Variants in GRK3 observed in about 807,000 individuals in gnomAD.
GRK3 encodes adrenergic, beta, receptor kinase 2.
A neutral mutation model predicts 95.7 loss-of-function variants in GRK3; 54 were observed. The ratio of observed to expected loss-of-function variants is 0.56; its 90% CI spans 0.45 to 0.71. The LOEUF (loss-of-function observed/expected upper bound fraction) is 0.71, where lower values mean the gene tolerates loss of function less well. GRK3 is among the 30% of genes least tolerant of loss of function. The probability of loss-of-function intolerance (pLI) is 0.00; values close to 1 mark genes in which losing one functional copy is unlikely to be tolerated. For synonymous variants in GRK3, 281 were observed against 290.8 expected (o/e 0.97, Z 0.34); for missense variants, 649 against 851.2 (o/e 0.76, Z 2.96).
intron 18 of GRK3, among the ~76,000 whole-genome samples, chr22:25,717,457 A>G (rs1267364905): frequency 1.3e-5 from 2 of 152,190 alleles, no homozygotes; most frequent in East Asian, 3.9e-4. Context: ...TATGGTCTGA[A>G]ACACTCACTA....
rs2146481629 is a variant in GRK3, at chr22:25,724,750, G to A, written c.*2300G>A. ...TCTGCCAAAATGTTGTGATGGAGGT[G>A]TTTCTGCGACCAGACACAGGATACC... On this transcript the variant is annotated 3_prime_UTR_variant, in exon 21 of 21. Transcript: ENST00000324198. 6.6e-6 allele frequency: 1 copy of A among 152,316 alleles called. No homozygotes were observed. The highest frequency in any genetic ancestry group is 3.4e-3 in the Middle Eastern group (1 of 294). 9.4% of individuals were successfully genotyped at this position (152,316 alleles called of 1,614,324 possible). A position where few individuals can be genotyped will look rare whatever the true frequency, so the allele number is the denominator to read the frequency against.
chr22:25,721,896 T>A (rs945178234), intron 20 of GRK3, among the ~76,000 whole-genome samples: 1 of 152,178 alleles, frequency 6.6e-6, no homozygotes, highest in Non-Finnish European at 1.5e-5. Flanking sequence ...TGCAAAAAAA[T>A]CATTTTTACT....
chr22:25,721,136 C>A, intron 19 of GRK3, 148 bp from the exon 20 acceptor site: 1 of 467,394 alleles, frequency 2.1e-6, no homozygotes, highest in Non-Finnish European at 3.8e-6. Flanking sequence ...CCTTTATAGC[C>A]ATTTTCCCCT....
chr22:25,591,755 T>G (rs766477072), intron 1 of GRK3, among the ~76,000 whole-genome samples: 39 of 151,994 alleles, frequency 2.6e-4, no homozygotes, highest in Non-Finnish European at 5.0e-4. Flanking sequence ...TGTACTTTTT[T>G]GGGGGGTCTG....
chr22:25,694,768 C>T (rs953821834), intron 12 of GRK3, among the ~76,000 whole-genome samples: 3 of 152,192 alleles, frequency 2.0e-5, no homozygotes, highest in Non-Finnish European at 4.4e-5. Context: ...TTCCCTGCCT[C>T]CCCTGACCCC....
At chr22:25,619,947 C>T (rs1309249189) in intron 2 of GRK3, among the ~76,000 whole-genome samples, 1 of 150,606 alleles carries the variant, frequency 6.6e-6, no homozygotes, top group Non-Finnish European at 1.5e-5. Context: ...CTTCTCTCTT[C>T]CTTTACTCTC....
Position 25,724,274 on chromosome 22 carries a change from T to C in GRK3, c.*1824T>C, listed in dbSNP as rs1361137341. 1 of 152,204 alleles carries C rather than the reference T, an allele frequency of 6.6e-6. No homozygotes were observed. Among genetic ancestry groups the C allele is most frequent in the Non-Finnish European group, 1.5e-5 (1 of 68,044 alleles). The allele number at this position is 152,204 out of a possible 1,614,324, so 9.4% of individuals were successfully genotyped here. ...GCTCATAGGTTCTCAGCATGTGCAG[T>C]TGAGGATGCGCTGGGCCTCATGCCT... On this transcript the variant is annotated 3_prime_UTR_variant, in exon 21 of 21. Coordinates refer to ENST00000324198, the MANE Select transcript of GRK3 (RefSeq NM_005160.4).
chr22:25,612,807 A>G (rs1288367276), intron 2 of GRK3, among the ~76,000 whole-genome samples: 2 of 152,164 alleles, frequency 1.3e-5, no homozygotes, highest in East Asian at 1.9e-4. Flanking sequence ...TTCATTATAA[A>G]AAGAATACAT....
chr22:25,605,833 T>C (rs1345149778), intron 2 of GRK3, among the ~76,000 whole-genome samples: 1 of 152,262 alleles, frequency 6.6e-6, no homozygotes, highest in African/African-American at 2.4e-5. Flanking sequence ...ACACACTGTG[T>C]GTCCTTTTGC....
In GRK3 at chr22:25,667,928, T is replaced by C. The variant is rs1045299633; in HGVS notation, c.503+128T>C. On this transcript the variant is annotated intron_variant, in intron 6 of 20. Coordinates refer to ENST00000324198, the MANE Select transcript of GRK3 (RefSeq NM_005160.4). ...AAGTATTCACTGACCATGTACGATG[T>C]GCCAGGCTTTGTGTTAAACTGTTTC... 3.5e-5 allele frequency: 21 copies of C among 597,146 alleles called. No individual in the cohort carries two copies. The South Asian group carries it at 4.5e-4, about 13-fold the overall frequency. 37.0% of individuals were successfully genotyped at this position (597,146 alleles called of 1,614,324 possible).
chr22:25,600,931 T>G (rs1436370505), intron 1 of GRK3, among the ~76,000 whole-genome samples: 1 of 152,200 alleles, frequency 6.6e-6, no homozygotes, highest in Non-Finnish European at 1.5e-5. Context: ...AAGGTGTATT[T>G]CATAATGATC....
In GRK3 at chr22:25,648,939, T is replaced by C; in HGVS notation, c.264+4274T>C. 12 of 891,032 alleles carry C rather than the reference T, an allele frequency of 1.3e-5. No individual in the cohort carries two copies. The South Asian group carries it at 1.4e-4, about 11-fold the overall frequency. The allele number at this position is 891,032 out of a possible 1,614,324, so 55.2% of individuals were successfully genotyped here. On this transcript the variant is annotated intron_variant, in intron 3 of 20. Coordinates refer to ENST00000324198, the MANE Select transcript of GRK3 (RefSeq NM_005160.4). ...ATGGACAGCTCCTGAAGTTGCACTG[T>C]ATGGTGGGTTTACAATAAAGTCTGG...
chr22:25,625,562 C>T (rs1156337664), intron 2 of GRK3, among the ~76,000 whole-genome samples: 1 of 152,146 alleles, frequency 6.6e-6, no homozygotes, highest in Non-Finnish European at 1.5e-5. Flanking sequence ...AGGGAGTCTC[C>T]CTTCCCCCGG....
intron 2 of GRK3, among the ~76,000 whole-genome samples, chr22:25,628,092 A>G (rs147194084): frequency 6.6e-5 from 10 of 152,356 alleles, no homozygotes; most frequent in East Asian, 5.8e-4. Context: ...CTTAAACCTA[A>G]GAAAAGATTT....
chr22:25,701,058 C>G (rs1427699026), intron 13 of GRK3, among the ~76,000 whole-genome samples: 1 of 152,164 alleles, frequency 6.6e-6, no homozygotes, highest in Non-Finnish European at 1.5e-5. Flanking sequence ...AAACGTGCAG[C>G]TGTTCCATTC....
At chr22:25,644,540 A>T in intron 2 of GRK3, 52 bp from the exon 3 acceptor site, 1 of 875,948 alleles carries the variant, frequency 1.1e-6, no homozygotes, top group Admixed American at 2.2e-5. Flanking sequence ...CCCTTGTGGG[A>T]TAAAATTTCA....
chr22:25,612,990 C>CT (rs1270195159), intron 2 of GRK3, among the ~76,000 whole-genome samples: 2 of 151,980 alleles, frequency 1.3e-5, no homozygotes, highest in East Asian at 1.9e-4. Flanking sequence ...TTTAGGATCA[C>CT]TTTTTTGTCA....
intron 15 of GRK3, 80 bp from the exon 16 acceptor site, chr22:25,709,818 T>C: frequency 9.7e-7 from 1 of 1,033,632 alleles, no homozygotes; most frequent in Middle Eastern, 2.1e-4. Flanking sequence ...CCCTGTATTG[T>C]TAACAGGAGA....
In GRK3 at chr22:25,674,420, G is replaced by A. The variant is rs757467902; in HGVS notation, c.556-17G>A. ...TTGTGTAATCTTATGTTTTCATTTT[G>A]TGTTTGGATTTCCCAGTTGACCATG... is the stretch of plus-strand genomic sequence containing the variant. On this transcript the variant is annotated splice_polypyrimidine_tract_variant and intron_variant, in intron 7 of 20. Coordinates refer to ENST00000324198, the MANE Select transcript of GRK3 (RefSeq NM_005160.4). 1 of 1,589,622 alleles carries A rather than the reference G, an allele frequency of 6.3e-7. No homozygotes were observed. The highest frequency in any genetic ancestry group is 8.6e-7 in the Non-Finnish European group (1 of 1,160,586).
Sources: allele counts gnomAD v4.1 joint callset (sites outside exome capture counted in the v4.1 genomes callset), GRCh38; gene constraint gnomAD v4.1.1; transcripts MANE v1.5; gene names NCBI Gene and HGNC (gene_info 2026-07-23, HGNC 2026-07-21).